Variants in JADE2 observed in about 807,000 individuals in gnomAD.
JADE2 encodes the protein E3 ubiquitin-protein ligase Jade-2.
In JADE2, 13 loss-of-function variants were observed where a neutral mutation model predicts 85.7. The ratio of observed to expected loss-of-function variants is 0.15; its 90% CI spans 0.10 to 0.24. The LOEUF (loss-of-function observed/expected upper bound fraction) is 0.24. Among genes scored for constraint, JADE2 ranks in the 10% least tolerant of loss-of-function variants. The pLI, the probability that JADE2 is intolerant of heterozygous loss-of-function variation, is 1.00. For synonymous variants in JADE2, 440 were observed against 456.1 expected (o/e 0.96, Z 0.45); for missense variants, 846 against 1,115.9 (o/e 0.76, Z 3.45).
At chr5:134,569,893 C>T (rs1763886705) in intron 9 of JADE2, among the ~76,000 whole-genome samples, 1 of 152,188 alleles carries the variant, frequency 6.6e-6, no homozygotes. Context: ...CCATTAGTGC[C>T]CTTGCCTCAC....
intron 1 of JADE2, chr5:134,526,614 G>A (rs1289388471): frequency 6.1e-6 from 6 of 985,350 alleles, no homozygotes; most frequent in Non-Finnish European, 7.2e-6. Context: ...ACCTTCCGGG[G>A]GCCACCGCCT....
chr5:134,542,077 C>T (rs757977083), intron 3 of JADE2, among the ~76,000 whole-genome samples: 5 of 152,188 alleles, frequency 3.3e-5, no homozygotes, highest in African/African-American at 4.8e-5. Context: ...GGTGGAAGTG[C>T]GCAAAGCCTG....
intron 3 of JADE2, among the ~76,000 whole-genome samples, chr5:134,549,041 C>T (rs571503064): frequency 4.2e-4 from 64 of 152,226 alleles, no homozygotes; most frequent in African/African-American, 1.4e-3. Flanking sequence ...AGAATATAGC[C>T]GACAGCAGGA....
intron 8 of JADE2, 117 bp from the exon 9 acceptor site, chr5:134,565,999 G>A (rs1763617817): frequency 5.7e-6 from 5 of 883,070 alleles, no homozygotes; most frequent in Non-Finnish European, 8.8e-6. Flanking sequence ...ATGCCATTCT[G>A]TTTAGGTTCT....
Position 134,573,760 on chromosome 5 carries a change from G to A in JADE2, c.1550G>A (p.Arg517Gln). 6.3e-7 allele frequency: 1 copy of A among 1,597,238 alleles called. No individual in the cohort carries two copies. Among genetic ancestry groups the A allele is most frequent in the Non-Finnish European group, 8.6e-7 (1 of 1,164,572 alleles). The part of the protein sequence containing the change: ...QMKLIEQDLC[R>Q]ERSGRRAKGK... ...AAACTTATTGAACAGGATCTGTGTC[G>A]AGGTAGGCGCCTTCCCCACCTGCCG... The change falls in exon 10 of 12, where the codon CGA (arginine) becomes CAA (glutamine). Residue 517 changes from arginine (R) to glutamine (Q), a missense_variant and splice_region_variant. Arg to Gln is a conservative substitution (Grantham distance 43). Around this residue, in one of 9 missense-constraint regions of JADE2, gnomAD observed 119 missense variants for 163.9 expected, o/e 0.73. Coordinates refer to ENST00000681547, the MANE Select transcript of JADE2 (RefSeq NM_001388185.1).
rs1405155291 is a variant in JADE2, at chr5:134,566,419, G to A, written c.1273G>A (p.Asp425Asn). 3.1e-6 allele frequency: 5 copies of A among 1,613,930 alleles called. No homozygotes were observed. The highest frequency in any genetic ancestry group is 1.7e-4 in the Middle Eastern group (1 of 6,060). The change falls in exon 9 of 12, where the codon GAC becomes AAC. Residue 425 changes from aspartate (D) to asparagine (N), a missense_variant. Transcript: ENST00000681547. This position sits in a 1 kb window ranked among gnomAD's most constrained non-coding sequence, Gnocchi z 6.7. ...ERLDLAEALV[D>N]FIYQYWKLKR... ...GCTGGACCTGGCTGAGGCACTGGTC[G>A]ACTTCATCTACCAGTACTGGAAGCT... is the stretch of plus-strand genomic sequence containing the variant.
upstream of JADE2, among the ~76,000 whole-genome samples, chr5:134,525,202 G>C (rs1203172824): frequency 6.6e-6 from 1 of 151,004 alleles, no homozygotes; most frequent in East Asian, 1.9e-4. Context: ...GCGCCGCCCG[G>C]GTCTGGGGCG....
intron 3 of JADE2, among the ~76,000 whole-genome samples, chr5:134,538,958 A>G (rs1761774325): frequency 6.6e-6 from 1 of 150,394 alleles, no homozygotes; most frequent in Admixed American, 6.6e-5. Flanking sequence ...CTGGGTTCAA[A>G]TGCCTCTCCT....
chr5:134,578,868 C>T lies in JADE2; in HGVS notation c.2056C>T (p.Pro686Ser). Residue 686 changes from proline (P) to serine (S), a missense_variant, in exon 12 of 12, where the codon CCA becomes TCA. Coordinates refer to ENST00000681547, the MANE Select transcript of JADE2 (RefSeq NM_001388185.1). This position sits in a 1 kb window ranked among gnomAD's most constrained non-coding sequence, Gnocchi z 4.4. The stretch of plus-strand genomic sequence containing the variant: ...AGGCAGTGGCAAGGGGGGTCAAGGG[C>T]CACCTACCAGGAAGCCACCACGTCG... ...DAGSGKGGQG[P>S]PTRKPPRRTS... The T allele has an allele frequency of 6.2e-7, 1 of 1,613,806 alleles. No homozygotes were observed. Among genetic ancestry groups the T allele is most frequent in the Non-Finnish European group, 8.5e-7 (1 of 1,180,010 alleles).
intron 3 of JADE2, among the ~76,000 whole-genome samples, chr5:134,542,156 G>C (rs918709854): frequency 2.0e-5 from 3 of 152,248 alleles, no homozygotes; most frequent in African/African-American, 7.2e-5. Flanking sequence ...AACTCAGCCT[G>C]CTGTCTTCTG....
chr5:134,545,259 CTATAGTTGGAAACG>C (rs1762225177), intron 3 of JADE2, among the ~76,000 whole-genome samples: 1 of 152,154 alleles, frequency 6.6e-6, no homozygotes. Context: ...GGATCCACTT[CTATAGTTGGAAACG>C]TTGCTGCTCC....
intron 1 of JADE2, among the ~76,000 whole-genome samples, chr5:134,530,747 G>C (rs573188106): frequency 2.6e-5 from 4 of 152,326 alleles, no homozygotes; most frequent in Non-Finnish European, 5.9e-5. Context: ...TCATTAGCCA[G>C]GAGCCCAACC....
chr5:134,534,681 G>T (rs771407490), intron 1 of JADE2, among the ~76,000 whole-genome samples: 1 of 152,292 alleles, frequency 6.6e-6, no homozygotes, highest in Non-Finnish European at 1.5e-5. Flanking sequence ...GGTGCAGATG[G>T]GCTGGGCAGT....
At chr5:134,535,694 G>T (rs1433775806) in intron 1 of JADE2, among the ~76,000 whole-genome samples, 164 bp from the exon 2 acceptor site, 1 of 152,086 alleles carries the variant, frequency 6.6e-6, no homozygotes, top group Admixed American at 6.5e-5. Flanking sequence ...CTGTGGGTGG[G>T]TGGGAGAGGG....
rs1436304495 is a variant in JADE2, at chr5:134,566,209, G to A, written c.1063G>A (p.Val355Ile). 2.5e-6 allele frequency: 4 copies of A among 1,614,016 alleles called. No individual in the cohort carries two copies. Among genetic ancestry groups the A allele is most frequent in the Non-Finnish European group, 3.4e-6 (4 of 1,180,044 alleles). Residue 355 changes from valine to isoleucine, a missense_variant, in exon 9 of 12, where the codon GTC becomes ATC. Physicochemically the swap from Val to Ile is conservative, Grantham distance 29. Around this residue, in one of 9 missense-constraint regions of JADE2, gnomAD observed 39 missense variants for 37.6 expected, o/e 1.04. Coordinates refer to ENST00000681547, the MANE Select transcript of JADE2 (RefSeq NM_001388185.1). The surrounding 1 kb of genome is among the most constrained non-coding windows in gnomAD (Gnocchi z 6.7). Reference protein sequence around the residue: ...MRTILADNDEVKFKSFCQEHS... With the variant: ...MRTILADNDEIKFKSFCQEHS... ...GACTATATTAGCAGACAACGATGAG[G>A]TCAAGTTCAAGTCATTCTGCCAGGA...
rs569336433 is a variant in JADE2, at chr5:134,562,223, G to A, written c.708G>A (p.Val236=). 3 of 1,613,182 alleles carry A rather than the reference G, an allele frequency of 1.9e-6. No individual in the cohort carries two copies. The highest frequency in any genetic ancestry group is 2.2e-5 in the East Asian group (1 of 44,876). The change falls in exon 7 of 12, where the codon GTG becomes GTA. Residue 236 remains valine, a synonymous_variant. Transcript: ENST00000681547. This position sits in a 1 kb window ranked among gnomAD's most constrained non-coding sequence, Gnocchi z 4.6. ...VHQACYGILK[V]PTGSWLCRTC... ...AGGCATGCTACGGGATCCTCAAGGT[G>A]CCCACGGGCAGCTGGCTGTGCCGGA...
Position 134,576,791 on chromosome 5 carries a change from G to A in JADE2, c.1576G>A (p.Gly526Ser). Residue 526 changes from glycine to serine, a missense_variant, in exon 11 of 12, where the codon GGC (glycine) becomes AGC (serine). Coordinates refer to ENST00000681547, the MANE Select transcript of JADE2 (RefSeq NM_001388185.1). ...CRERSGRRAK[G>S]KKSDSKRKGC... is the part of the protein sequence containing the mutation. ...AGAGCGGTCTGGGAGGAGAGCAAAG[G>A]GCAAGAAGAGTGACTCGAAGAGGAA... The A allele has an allele frequency of 1.9e-6, 3 of 1,550,626 alleles. No individual in the cohort carries two copies. Among genetic ancestry groups the A allele is most frequent in the Non-Finnish European group, 2.6e-6 (3 of 1,146,994 alleles).
At chr5:134,536,053 G>A (rs1009684289) in intron 2 of JADE2, 138 bp downstream of exon 2, 11 of 748,196 alleles carry the variant, frequency 1.5e-5, no homozygotes, top group Non-Finnish European at 2.3e-5. Flanking sequence ...ATCAAGTCAG[G>A]TTTCTCCACT....
chr5:134,545,003 C>A (rs1366837479), intron 3 of JADE2, among the ~76,000 whole-genome samples: 3 of 152,200 alleles, frequency 2.0e-5, no homozygotes, highest in Non-Finnish European at 4.4e-5. Context: ...GTTTGAAATG[C>A]CATTTTATAG....
Sources: gnomAD v4.1 joint callset for allele counts (sites outside exome capture counted in the v4.1 genomes callset) on GRCh38, gnomAD v4.1.1 for gene constraint, gnomAD v4.1.1 regional missense constraint, Gnocchi (gnomAD v3.1) non-coding constraint, MANE v1.5 for transcripts, NCBI Gene and HGNC (gene_info 2026-07-23, HGNC 2026-07-21) for gene names.